Variants in TRIQK observed in about 807,000 individuals in gnomAD.
TRIQK encodes triple QxxK/R motif-containing protein.
Under a neutral mutation model 10.8 loss-of-function variants are expected in TRIQK, and 10 were observed. The observed-to-expected ratio is 0.92, with a 90% confidence interval of 0.57 to 1.57. The LOEUF (loss-of-function observed/expected upper bound fraction) is 1.57. Ranked by LOEUF, TRIQK falls within the 40% of genes most tolerant of loss-of-function variation. TRIQK has a pLI of 0.00. For missense variants in TRIQK, 107 were observed against 97.7 expected (o/e 1.09, Z -0.40); for synonymous variants, 33 against 33.7 (o/e 0.98, Z 0.07).
intron 3 of TRIQK, among the ~76,000 whole-genome samples, chr8:92,895,721 G>A (rs1316342346): frequency 6.6e-6 from 1 of 152,016 alleles, no homozygotes; most frequent in Non-Finnish European, 1.5e-5. Flanking sequence ...TACTTTATAT[G>A]GAAGACAGAA....
intron 3 of TRIQK, among the ~76,000 whole-genome samples, chr8:92,895,924 A>G (rs980127568): frequency 1.3e-5 from 2 of 150,836 alleles, no homozygotes; most frequent in Non-Finnish European, 3.0e-5. Context: ...TGTAAAGAAT[A>G]AAAAAAAAGT....
chr8:93,009,016 A>G (rs1272571641), intron 1 of TRIQK, among the ~76,000 whole-genome samples: 9 of 152,362 alleles, frequency 5.9e-5, no homozygotes, highest in Admixed American at 4.6e-4. Flanking sequence ...GGGAGTAATC[A>G]AGCAAGTGAA....
At chr8:92,886,784 T>G (rs1816507641) in intron 4 of TRIQK, 49 bp from the exon 5 acceptor site, 3 of 1,016,424 alleles carry the variant, frequency 3.0e-6, no homozygotes, top group Non-Finnish European at 4.4e-6. Flanking sequence ...AAAGATTGGT[T>G]AACATTATTA....
intron 3 of TRIQK, among the ~76,000 whole-genome samples, chr8:92,908,211 T>A (rs539970195): frequency 6.6e-6 from 1 of 152,100 alleles, no homozygotes; most frequent in South Asian, 2.1e-4. Context: ...GAATATCTGG[T>A]TATTGTTTTA....
At chr8:92,887,521 T>C (rs1380143606) in intron 4 of TRIQK, among the ~76,000 whole-genome samples, 5 of 151,414 alleles carry the variant, frequency 3.3e-5, no homozygotes. Flanking sequence ...TCTGTGTGTA[T>C]ACCTTCCAGA....
At chr8:92,997,932 A>G (rs1813169178) in intron 1 of TRIQK, among the ~76,000 whole-genome samples, 1 of 152,088 alleles carries the variant, frequency 6.6e-6, no homozygotes, top group Non-Finnish European at 1.5e-5. Flanking sequence ...AACACTTACA[A>G]AAATCAAACA....
At chr8:92,931,870 AGGTGTTGC>A (rs1293916872) in intron 2 of TRIQK, among the ~76,000 whole-genome samples, 2 of 152,182 alleles carry the variant, frequency 1.3e-5, no homozygotes, top group Non-Finnish European at 2.9e-5. Context: ...ATCACCCATA[AGGTGTTGC>A]GGTACCAGGA....
intron 1 of TRIQK, among the ~76,000 whole-genome samples, chr8:93,009,721 G>C (rs1813313362): frequency 6.6e-6 from 1 of 152,010 alleles, no homozygotes; most frequent in East Asian, 1.9e-4. Flanking sequence ...ACATTATGGA[G>C]GTTCCTCAAA....
In TRIQK at chr8:92,964,478, A is replaced by ATG. The variant is rs528279953; in HGVS notation, c.-181+1528_-181+1529insCA. On this transcript the variant is annotated intron_variant, in intron 1 of 4. Transcript: ENST00000521988. ...TATATATATATCTATATATATATAT[A>ATG]TATCTAGTGATATTAAAGAGGAAAA... Among the ~76,000 whole-genome samples the ATG allele has an allele frequency of 2.7e-5, 4 of 148,302 alleles. No individual in the cohort carries two copies. The East Asian group carries it at 7.8e-4, about 29-fold the overall frequency.
At chr8:93,008,251 A>T (rs894369376) in intron 1 of TRIQK, among the ~76,000 whole-genome samples, 1 of 152,240 alleles carries the variant, frequency 6.6e-6, no homozygotes, top group Non-Finnish European at 1.5e-5. Context: ...TTACCTATGT[A>T]ATAAACCTGC....
rs1586410226 is a variant in TRIQK at position 92,913,209 on chromosome 8, A to G, written c.61+3720T>C. On this transcript the variant is annotated intron_variant, in intron 3 of 4. Transcript: ENST00000521988. ...TAACAAAATGAAGAATAAAAATCAC[A>G]TGATGATCTCAACAAATGCAGAAGA... 2.6e-5 allele frequency among the ~76,000 whole-genome samples: 4 copies of G among 152,308 alleles called. No homozygotes were observed. In the South Asian group the frequency reaches 8.3e-4, roughly 32 times the overall value.
At chr8:92,944,272 C>A in intron 2 of TRIQK, among the ~76,000 whole-genome samples, 1 of 140,176 alleles carries the variant, frequency 7.1e-6, no homozygotes, top group Non-Finnish European at 1.5e-5. Context: ...TAAATTAGTA[C>A]AGCCATTATG....
intron 1 of TRIQK, among the ~76,000 whole-genome samples, chr8:93,002,333 T>G (rs890437393): frequency 1.9e-4 from 28 of 149,436 alleles, no homozygotes; most frequent in Admixed American, 9.9e-4. Context: ...AAAAAATGAG[T>G]TTTTTGAAGT....
At chr8:92,886,902 T>C (rs1816513517) in intron 4 of TRIQK, 167 bp from the exon 5 acceptor site, 2 of 484,738 alleles carry the variant, frequency 4.1e-6, no homozygotes, top group South Asian at 5.8e-5. Flanking sequence ...AGAAACTGTT[T>C]TGTACTGGCA....
chr8:92,992,514 G>T (rs866242317), intron 1 of TRIQK, among the ~76,000 whole-genome samples: 6 of 152,338 alleles, frequency 3.9e-5, no homozygotes, highest in Middle Eastern at 3.4e-3. Flanking sequence ...GATTCAAGTA[G>T]GGGTCTGAGA....
intron 3 of TRIQK, among the ~76,000 whole-genome samples, chr8:92,908,818 T>C (rs979856433): frequency 2.6e-5 from 4 of 152,038 alleles, no homozygotes; most frequent in Non-Finnish European, 5.9e-5. Context: ...AGATGAGTTA[T>C]TTACAGCATG....
At chr8:93,014,501 A>C (rs985744689) in intron 1 of TRIQK, among the ~76,000 whole-genome samples, 2 of 152,164 alleles carry the variant, frequency 1.3e-5, no homozygotes, top group African/African-American at 4.8e-5. Context: ...ATAGATGTTT[A>C]TGTTTTACAG....
At chr8:92,913,343 A>G (rs2130433658) in intron 3 of TRIQK, among the ~76,000 whole-genome samples, 1 of 152,328 alleles carries the variant, frequency 6.6e-6, no homozygotes, top group Admixed American at 6.5e-5. Flanking sequence ...GAAGACATTT[A>G]TGTGGCCAAC....
chr8:92,955,173 T>C (rs1279092184), intron 1 of TRIQK, among the ~76,000 whole-genome samples: 1 of 151,812 alleles, frequency 6.6e-6, no homozygotes, highest in Non-Finnish European at 1.5e-5. Context: ...GATAAGAGTA[T>C]AAAATTTAAG....
Sources: allele counts gnomAD v4.1 joint callset (sites outside exome capture counted in the v4.1 genomes callset), GRCh38; gene constraint gnomAD v4.1.1; transcripts MANE v1.5; gene names NCBI Gene and HGNC (gene_info 2026-07-23, HGNC 2026-07-21).